The following WASF3 variants were observed in gnomAD, a reference collection of about 807,000 sequenced individuals.
WASF3 encodes the protein actin-binding protein WASF3.
In WASF3, 11 loss-of-function variants were observed where a neutral mutation model predicts 46.6. The observed-to-expected ratio is 0.24, with a 90% confidence interval of 0.15 to 0.39. The LOEUF (loss-of-function observed/expected upper bound fraction) is 0.39. WASF3 is among the 10% of genes least tolerant of loss of function. WASF3 has a pLI of 1.00. For missense variants in WASF3, 576 were observed against 669.8 expected (o/e 0.86, Z 1.55); for synonymous variants, 242 against 259.7 (o/e 0.93, Z 0.65).
the WASF3 span, among the ~76,000 whole-genome samples, chr13:26,548,027 C>T: frequency 6.6e-6 from 1 of 152,152 alleles, no homozygotes; most frequent in African/African-American, 2.4e-5. Context: ...TAATATCTGC[C>T]AGGGTCAATC....
At chr13:26,554,977 G>A (rs1023734909), upstream of WASF3, among the ~76,000 whole-genome samples, 4 of 152,132 alleles carry the variant, frequency 2.6e-5, no homozygotes, top group Admixed American at 1.3e-4. Context: ...CAAAGTGGTC[G>A]TACCATTTTG....
chr13:26,544,320 A>G, the WASF3 span, among the ~76,000 whole-genome samples: 2 of 152,328 alleles, frequency 1.3e-5, no homozygotes, highest in Non-Finnish European at 2.9e-5. Flanking sequence ...AGGAACCCTT[A>G]TCTAAGTACA....
At chr13:26,542,758 A>T in the WASF3 span, among the ~76,000 whole-genome samples, 1 of 152,132 alleles carries the variant, frequency 6.6e-6, no homozygotes, top group African/African-American at 2.4e-5. Flanking sequence ...GTTAAACAGC[A>T]CTCTGCGTCA....
At chr13:26,644,058 G>A (rs1392602115) in intron 3 of WASF3, among the ~76,000 whole-genome samples, 1 of 152,180 alleles carries the variant, frequency 6.6e-6, no homozygotes, top group Non-Finnish European at 1.5e-5. Context: ...TCTTTAAATG[G>A]GAAAGGAGGG....
chr13:26,542,893 C>T, the WASF3 span, among the ~76,000 whole-genome samples: 94 of 152,046 alleles, frequency 6.2e-4, no homozygotes, highest in Non-Finnish European at 2.2e-4. Context: ...TGTCACTTTT[C>T]GAAAGGCAAT....
rs1311514149 is a variant in WASF3, at chr13:26,681,079, T to C, written c.742T>C (p.Tyr248His). Residue 248 changes from tyrosine (Y) to histidine (H), a missense_variant, in exon 8 of 10, where the codon TAC becomes CAC. Physicochemically the swap from Tyr to His is moderately conservative, Grantham distance 83 (BLOSUM62 2). This residue lies in a region of WASF3 where 295 missense variants were observed against 291.5 expected (regional missense o/e 1.01). Coordinates refer to ENST00000335327, the MANE Select transcript of WASF3 (RefSeq NM_006646.6). ...GTCACATGCATCGGACGTTACGGAT[T>C]ACTCTTACCCGGCTACTCCCAACCA... ...TRSHASDVTDYSYPATPNHSL... is the reference protein window; with the variant it reads ...TRSHASDVTDHSYPATPNHSL... 1 of 1,613,824 alleles carries C rather than the reference T, an allele frequency of 6.2e-7. No homozygotes were observed. The highest frequency in any genetic ancestry group is 8.5e-7 in the Non-Finnish European group (1 of 1,179,804).
chr13:26,589,986 A>G (rs1880242037), intron 1 of WASF3, among the ~76,000 whole-genome samples: 1 of 152,250 alleles, frequency 6.6e-6, no homozygotes, highest in South Asian at 2.1e-4. Flanking sequence ...AAACATGAAC[A>G]TGCTTTTGCT....
intron 1 of WASF3, among the ~76,000 whole-genome samples, chr13:26,569,882 T>C (rs1879582546): frequency 6.6e-6 from 1 of 152,234 alleles, no homozygotes; most frequent in Non-Finnish European, 1.5e-5. Context: ...TAAAATATCC[T>C]ACAGGCGGTA....
At chr13:26,625,132 G>A (rs1053040277) in intron 2 of WASF3, among the ~76,000 whole-genome samples, 1 of 151,916 alleles carries the variant, frequency 6.6e-6, no homozygotes, top group Non-Finnish European at 1.5e-5. Context: ...ATTGTCCAGA[G>A]CAAAAACAAT....
intron 3 of WASF3, among the ~76,000 whole-genome samples, chr13:26,660,194 GTTTTTTTTTTTTTTTTTTT>G (rs71080285): frequency 1.3e-3 from 56 of 43,378 alleles, no homozygotes; most frequent in African/African-American, 3.0e-3. Flanking sequence ...TTTTTGTTTG[GTTTTTTTTTTTTTTTTTTT>G]TTTTTTTTTT....
chr13:26,570,453 C>G (rs1879601916), intron 1 of WASF3, among the ~76,000 whole-genome samples: 1 of 152,134 alleles, frequency 6.6e-6, no homozygotes, highest in Admixed American at 6.5e-5. Flanking sequence ...TTGTAAATAA[C>G]CAGCCTCACT....
intron 1 of WASF3, among the ~76,000 whole-genome samples, chr13:26,582,673 T>C (rs1880015995): frequency 2.7e-5 from 1 of 37,250 alleles, no homozygotes; most frequent in African/African-American, 1.3e-4. Context: ...TGAGACTCCG[T>C]CTCAAAAAAA....
chr13:26,639,434 T>C (rs763713963), intron 2 of WASF3, among the ~76,000 whole-genome samples: 9 of 152,228 alleles, frequency 5.9e-5, no homozygotes, highest in Non-Finnish European at 1.2e-4. Flanking sequence ...CAAACATTTT[T>C]TGAATAATCA....
At chr13:26,676,110 C>T (rs1369261343) in intron 6 of WASF3, among the ~76,000 whole-genome samples, 1 of 152,152 alleles carries the variant, frequency 6.6e-6, no homozygotes, top group Non-Finnish European at 1.5e-5. Context: ...AAATTGGGAA[C>T]AGAATGTTTT....
At chr13:26,560,989 T>C (rs186595888) in intron 1 of WASF3, among the ~76,000 whole-genome samples, 1 of 151,742 alleles carries the variant, frequency 6.6e-6, no homozygotes, top group Non-Finnish European at 1.5e-5. Flanking sequence ...GAAGTCTGGG[T>C]TGAGGAGAGG....
intron 1 of WASF3, among the ~76,000 whole-genome samples, chr13:26,601,280 T>G (rs1017049433): frequency 1.3e-5 from 2 of 152,232 alleles, no homozygotes; most frequent in Admixed American, 6.5e-5. Flanking sequence ...TAGATGTAAC[T>G]TACTGGAGTG....
chr13:26,545,993 A>G, the WASF3 span, among the ~76,000 whole-genome samples: 1 of 152,194 alleles, frequency 6.6e-6, no homozygotes, highest in African/African-American at 2.4e-5. Context: ...TGTTTTAAAA[A>G]CACTATTAAT....
intron 1 of WASF3, among the ~76,000 whole-genome samples, chr13:26,579,836 C>T (rs1239471809): frequency 6.6e-6 from 1 of 152,050 alleles, no homozygotes; most frequent in African/African-American, 2.4e-5. Context: ...TCAGAGAAAG[C>T]AAAACTGAAT....
chr13:26,568,681 G>A (rs143453006), intron 1 of WASF3, among the ~76,000 whole-genome samples: 24 of 152,266 alleles, frequency 1.6e-4, no homozygotes, highest in African/African-American at 5.3e-4. Context: ...GTGATGTTAA[G>A]GTGGTATCTC....
Sources: gnomAD v4.1 joint callset for allele counts (sites outside exome capture counted in the v4.1 genomes callset) on GRCh38, gnomAD v4.1.1 for gene constraint, gnomAD v4.1.1 regional missense constraint, MANE v1.5 for transcripts, NCBI Gene and HGNC (gene_info 2026-07-23, HGNC 2026-07-21) for gene names.